The following NBEAL1 variants were observed in gnomAD, a reference collection of about 807,000 sequenced individuals.
NBEAL1 encodes the protein neurobeachin like 1.
NBEAL1 carries 273 observed loss-of-function variants against 351.3 expected under a neutral mutation model. The observed-to-expected ratio is 0.78, with a 90% confidence interval of 0.70 to 0.86. The LOEUF (loss-of-function observed/expected upper bound fraction) is 0.86, where lower values mean the gene tolerates loss of function less well. Among genes scored for constraint, NBEAL1 ranks in the 40% least tolerant of loss-of-function variants. NBEAL1 has a pLI of 0.00. For synonymous variants in NBEAL1, 1,050 were observed against 1,086.4 expected, an observed-to-expected ratio of 0.97 and a Z score of 0.66; for missense variants, 2,961 against 3,201.3, an observed-to-expected ratio of 0.92 and a Z score of 1.81.
At chr2:203,098,930 G>A (rs549038701) in intron 11 of NBEAL1, among the ~76,000 whole-genome samples, 1 of 152,230 alleles carries the variant, frequency 6.6e-6, no homozygotes, top group Non-Finnish European at 1.5e-5. Flanking sequence ...CATGCAAATG[G>A]AATTTAAACC....
chr2:203,041,735 C>A (rs1369343609), intron 2 of NBEAL1, 30 bp from the exon 3 acceptor site: 2 of 1,468,006 alleles, frequency 1.4e-6, no homozygotes, highest in Admixed American at 2.0e-5. Context: ...GATAGGCATA[C>A]TTAATATTAT....
chr2:203,126,983 T>C (rs1325549227), intron 23 of NBEAL1, 57 bp downstream of exon 23: 18 of 1,201,122 alleles, frequency 1.5e-5, no homozygotes, highest in Non-Finnish European at 2.0e-5. Context: ...TGCTACTTGA[T>C]TGGAATGTGT....
chr2:203,091,167 A>G (rs1374281049), intron 10 of NBEAL1, among the ~76,000 whole-genome samples: 1 of 152,158 alleles, frequency 6.6e-6, no homozygotes. Context: ...CCTGGAAACC[A>G]CTATTCTACT....
intron 2 of NBEAL1, among the ~76,000 whole-genome samples, chr2:203,017,710 C>T (rs1219732346): frequency 1.3e-5 from 2 of 152,008 alleles, no homozygotes; most frequent in Non-Finnish European, 2.9e-5. Context: ...GGTTACGTGT[C>T]TCATTAATAA....
At chr2:203,096,858 T>C (rs567751542) in intron 10 of NBEAL1, among the ~76,000 whole-genome samples, 1 of 152,362 alleles carries the variant, frequency 6.6e-6, no homozygotes, top group African/African-American at 2.4e-5. Context: ...CTTCCTTAAC[T>C]ATAGAACCAT....
intron 14 of NBEAL1, among the ~76,000 whole-genome samples, chr2:203,109,310 G>A (rs1293706933): frequency 6.6e-6 from 1 of 152,084 alleles, no homozygotes; most frequent in Non-Finnish European, 1.5e-5. Flanking sequence ...AGTGAGCTGA[G>A]ATCGCACCAC....
chr2:203,172,094 G>GTAT, intron 40 of NBEAL1, 71 bp downstream of exon 40: 2 of 688,328 alleles, frequency 2.9e-6, no homozygotes, highest in Non-Finnish European at 4.5e-6. Context: ...GTATATACAT[G>GTAT]ATACTTATTT....
Position 203,171,922 on chromosome 2 carries a change from G to T in NBEAL1, c.6103-6G>T. 6.4e-7 allele frequency: 1 copy of T among 1,554,148 alleles called. No individual in the cohort carries two copies. Among genetic ancestry groups the T allele is most frequent in the Admixed American group, 1.9e-5 (1 of 52,424 alleles). ...TTTTGATATTGCTCTTTTTTGTGCTGTCTAGAAATGGGTAAACAGAGAGAT... is the reference window on the plus strand; with the variant it reads ...TTTTGATATTGCTCTTTTTTGTGCTTTCTAGAAATGGGTAAACAGAGAGAT... On this transcript the variant is annotated splice_polypyrimidine_tract_variant and splice_region_variant and intron_variant, in intron 39 of 55. Transcript: ENST00000683969.
At chr2:203,097,520 C>T (rs1032701962) in intron 10 of NBEAL1, 27 bp from the exon 11 acceptor site, 2 of 916,154 alleles carry the variant, frequency 2.2e-6, no homozygotes, top group African/African-American at 1.8e-5. Context: ...GTTCTTTCTC[C>T]ATTATTCTTG....
At chr2:203,029,628 G>T (rs1279389075) in intron 2 of NBEAL1, among the ~76,000 whole-genome samples, 2 of 150,606 alleles carry the variant, frequency 1.3e-5, no homozygotes, top group African/African-American at 2.4e-5. Context: ...GGTGGTTGAG[G>T]CTGCAGTGAG....
chr2:203,144,386 T>G (rs1487394385), intron 31 of NBEAL1, among the ~76,000 whole-genome samples: 1 of 152,180 alleles, frequency 6.6e-6, no homozygotes, highest in East Asian at 1.9e-4. Flanking sequence ...GCTGTAGATC[T>G]TGGTCTCTGA....
At chr2:203,203,463 C>A (rs568165388) in intron 51 of NBEAL1, among the ~76,000 whole-genome samples, 1 of 152,268 alleles carries the variant, frequency 6.6e-6, no homozygotes, top group African/African-American at 2.4e-5. Flanking sequence ...GTATGAGCCA[C>A]TGTGCCCGGT....
At chr2:203,029,030 G>C (rs1268632536) in intron 2 of NBEAL1, among the ~76,000 whole-genome samples, 1 of 152,146 alleles carries the variant, frequency 6.6e-6, no homozygotes, top group African/African-American at 2.4e-5. Flanking sequence ...CTGCTGCTCA[G>C]GCTGGAGTGC....
At chr2:203,174,216 C>CAAAAAAAAAAAAAAAAAAAAAAAA (rs10652390) in intron 41 of NBEAL1, among the ~76,000 whole-genome samples, 2 of 24,592 alleles carry the variant, frequency 8.1e-5, no homozygotes, top group African/African-American at 2.1e-4. Context: ...TTTATACTAG[C>CAAAAAAAAAAAAAAAAAAAAAAAA]AAAAAAAAAA....
chr2:203,109,013 A>C (rs969297609), intron 14 of NBEAL1, among the ~76,000 whole-genome samples: 2 of 152,056 alleles, frequency 1.3e-5, no homozygotes, highest in Non-Finnish European at 1.5e-5. Context: ...CTGCACTTCA[A>C]CCTGGGTGAC....
Position 203,132,113 on chromosome 2 carries a change from C to T in NBEAL1, c.3705C>T (p.Thr1235=). The T allele has an allele frequency of 6.5e-7, 1 of 1,530,256 alleles. No individual in the cohort carries two copies. Among genetic ancestry groups the T allele is most frequent in the Non-Finnish European group, 8.8e-7 (1 of 1,130,322 alleles). The allele number at this position is 1,530,256 out of a possible 1,614,324, so 94.8% of individuals were successfully genotyped here. Residue 1235 remains threonine, a synonymous_variant, in exon 26 of 56, where the codon ACC becomes ACT. Coordinates refer to ENST00000683969, the MANE Select transcript of NBEAL1 (RefSeq NM_001378026.1). Reference sequence around the variant, plus strand: ...ATACTTCTCTTATTAAAAACCTCACCCATCAAATCATAAATACAGGTATGA... The same window carrying T: ...ATACTTCTCTTATTAAAAACCTCACTCATCAAATCATAAATACAGGTATGA... ...LVNTSLIKNL[T]HQIINTDPVI...
chr2:203,163,882 G>A (rs1208974867), intron 36 of NBEAL1, among the ~76,000 whole-genome samples: 1 of 151,894 alleles, frequency 6.6e-6, no homozygotes, highest in African/African-American at 2.4e-5. Context: ...TATAGTTGTT[G>A]GGTTCTTTTT....
intron 18 of NBEAL1, among the ~76,000 whole-genome samples, chr2:203,116,627 C>A (rs1177761395): frequency 2.1e-4 from 29 of 136,958 alleles, no homozygotes; most frequent in Admixed American, 2.2e-4. Flanking sequence ...TGAAAAATGC[C>A]AAAAAAAAAA....
In NBEAL1 at chr2:203,126,112, G is replaced by A. The variant is rs538059364; in HGVS notation, c.2985+19G>A. 18 of 1,521,424 alleles carry A rather than the reference G, an allele frequency of 1.2e-5. No homozygotes were observed. In the African/African-American group the frequency reaches 1.8e-4, roughly 15 times the overall value. 94.2% of individuals were successfully genotyped at this position (1,521,424 alleles called of 1,614,324 possible). A position where few individuals can be genotyped will look rare whatever the true frequency, so the allele number is the denominator to read the frequency against. ...TCAGAAGGTGAGCCAGTCTAACATT[G>A]TGTTGATGTAGCTAATAATTGTGAT... is the stretch of plus-strand genomic sequence containing the variant. On this transcript the variant is annotated intron_variant, in intron 21 of 55. Transcript: ENST00000683969.
Sources: allele counts gnomAD v4.1 joint callset (sites outside exome capture counted in the v4.1 genomes callset), GRCh38; gene constraint gnomAD v4.1.1; transcripts MANE v1.5; gene names NCBI Gene and HGNC (gene_info 2026-07-23, HGNC 2026-07-21).